Variants in RBM6 observed in about 807,000 individuals in gnomAD.
The protein encoded by RBM6 is RNA-binding protein 6.
In RBM6, 23 loss-of-function variants were observed where a neutral mutation model predicts 140.4. The ratio of observed to expected loss-of-function variants is 0.16; its 90% CI spans 0.12 to 0.23. RBM6 has a LOEUF of 0.23. Ranked by LOEUF, RBM6 falls within the 10% of genes least tolerant of loss-of-function variation. The pLI, the probability that RBM6 is intolerant of heterozygous loss-of-function variation, is 1.00. For missense variants in RBM6, 1,139 were observed against 1,386.7 expected (o/e 0.82, Z 2.84); for synonymous variants, 439 against 475.6 (o/e 0.92, Z 1.00).
At chr3:49,961,983 C>A (rs1413805537) in intron 1 of RBM6, among the ~76,000 whole-genome samples, 1 of 150,870 alleles carries the variant, frequency 6.6e-6, no homozygotes, top group Non-Finnish European at 1.5e-5. Context: ...CAGTGAAAAC[C>A]CGTCTCTACT....
At chr3:49,961,211 G>C (rs2084267150) in intron 1 of RBM6, among the ~76,000 whole-genome samples, 1 of 152,082 alleles carries the variant, frequency 6.6e-6, no homozygotes, top group African/African-American at 2.4e-5. Flanking sequence ...CTGCATAGCT[G>C]GGATTACAGG....
At chr3:50,062,280 G>A (rs531783251) in intron 15 of RBM6, among the ~76,000 whole-genome samples, 172 bp downstream of exon 15, 12 of 152,250 alleles carry the variant, frequency 7.9e-5, no homozygotes, top group South Asian at 4.1e-4. Flanking sequence ...CAAGGCGGGC[G>A]GATCATGAGG....
intron 1 of RBM6, among the ~76,000 whole-genome samples, chr3:49,955,579 A>G (rs1575536875): frequency 6.6e-6 from 1 of 152,010 alleles, no homozygotes; most frequent in African/African-American, 2.4e-5. Context: ...GCAGTGGCTC[A>G]CGCCTGTAAT....
chr3:49,989,511 G>C (rs2085719179), intron 5 of RBM6, among the ~76,000 whole-genome samples: 1 of 152,090 alleles, frequency 6.6e-6, no homozygotes, highest in African/African-American at 2.4e-5. Flanking sequence ...GAAGGTGGAG[G>C]TTGCAGCTGA....
intron 4 of RBM6, among the ~76,000 whole-genome samples, chr3:49,972,493 C>A (rs1293549867): frequency 6.6e-6 from 1 of 152,130 alleles, no homozygotes; most frequent in Admixed American, 6.6e-5. Context: ...CATAAGGATG[C>A]AGTTTATTTA....
chr3:50,011,400 T>G (rs1178495584), intron 6 of RBM6, among the ~76,000 whole-genome samples: 1 of 151,322 alleles, frequency 6.6e-6, no homozygotes, highest in African/African-American at 2.5e-5. Flanking sequence ...TATTCACAGT[T>G]AAAAATAAAG....
intron 6 of RBM6, among the ~76,000 whole-genome samples, chr3:50,024,572 TTG>T (rs1356950206): frequency 6.6e-6 from 1 of 152,098 alleles, no homozygotes; most frequent in Non-Finnish European, 1.5e-5. Context: ...GAAATTCATC[TTG>T]TGTGTAACTG....
At chr3:50,010,238 A>G (rs144188423) in intron 6 of RBM6, among the ~76,000 whole-genome samples, 1 of 152,272 alleles carries the variant, frequency 6.6e-6, no homozygotes, top group Non-Finnish European at 1.5e-5. Context: ...TTAATTTTGT[A>G]TATTAATGAT....
intron 6 of RBM6, among the ~76,000 whole-genome samples, chr3:50,005,913 G>A (rs976980880): frequency 6.6e-6 from 1 of 152,070 alleles, no homozygotes; most frequent in Non-Finnish European, 1.5e-5. Context: ...TCATAACCTA[G>A]CTAGAAAAAA....
At chr3:49,950,845 T>G (rs2083699586) in intron 1 of RBM6, among the ~76,000 whole-genome samples, 1 of 151,522 alleles carries the variant, frequency 6.6e-6, no homozygotes, top group African/African-American at 2.4e-5. Flanking sequence ...ATATCCAAAA[T>G]AATTGAAAAC....
At chr3:50,031,756 C>A (rs1010943603) in intron 6 of RBM6, among the ~76,000 whole-genome samples, 10 of 151,942 alleles carry the variant, frequency 6.6e-5, no homozygotes, top group Admixed American at 5.2e-4. Context: ...TTTGATACCA[C>A]AATAGGGTGA....
chr3:50,019,918 ATTT>A (rs745603311), intron 6 of RBM6, among the ~76,000 whole-genome samples: 5 of 136,204 alleles, frequency 3.7e-5, no homozygotes, highest in Admixed American at 7.4e-5. Flanking sequence ...ACATTAATTG[ATTT>A]TTTTTTTTTT....
chr3:50,032,769 C>G (rs896144607), intron 6 of RBM6, among the ~76,000 whole-genome samples: 8 of 152,002 alleles, frequency 5.3e-5, no homozygotes, highest in African/African-American at 2.4e-5. Context: ...GGTGGATCAC[C>G]TAAGGTCAGA....
chr3:50,058,299 C>T (rs775971560), intron 9 of RBM6, 103 bp from the exon 10 acceptor site: 50 of 1,282,872 alleles, frequency 3.9e-5, no homozygotes, highest in Non-Finnish European at 5.5e-5. Flanking sequence ...ACCAGCCTTG[C>T]TAGTAGCATC....
In RBM6 at chr3:50,018,805, G is replaced by A. The variant is rs12330297; in HGVS notation, c.1557+19292G>A. ...AGGGTTTCAACATGTTGGCCAGGAT[G>A]GTCTTGATCTTGTGACCTCGTGATT... On this transcript the variant is annotated intron_variant, in intron 6 of 20. Transcript: ENST00000266022. Among the ~76,000 whole-genome samples the A allele has an allele frequency of 3.5e-3, 524 of 151,844 alleles. 3 individuals are homozygous for A. Among genetic ancestry groups the A allele is most frequent in the African/African-American group, 0.012 (506 of 41,452 alleles).
At chr3:50,016,593 T>C (rs1442822251) in intron 6 of RBM6, among the ~76,000 whole-genome samples, 1 of 152,230 alleles carries the variant, frequency 6.6e-6, no homozygotes, top group Non-Finnish European at 1.5e-5. Context: ...CTTTTCTCCA[T>C]ATCCTCACTA....
At chr3:50,050,835 ATG>A (rs1356257026) in intron 7 of RBM6, among the ~76,000 whole-genome samples, 1 of 151,654 alleles carries the variant, frequency 6.6e-6, no homozygotes, top group East Asian at 1.9e-4. Context: ...GTTTTTTTTC[ATG>A]TGTTTGTTGG....
chr3:50,006,199 C>T (rs1414290278), intron 6 of RBM6, among the ~76,000 whole-genome samples: 1 of 148,560 alleles, frequency 6.7e-6, no homozygotes, highest in African/African-American at 2.5e-5. Context: ...GGCTGTAGCA[C>T]AGAGGTGCTC....
rs372323376 is a variant in RBM6, at chr3:49,996,762, G to A, written c.1484-2678G>A. 1.2e-4 allele frequency among the ~76,000 whole-genome samples: 18 copies of A among 152,230 alleles called. No homozygotes were observed. The East Asian group carries it at 2.3e-3, about 20-fold the overall frequency. On this transcript the variant is annotated intron_variant, in intron 5 of 20. Coordinates refer to ENST00000266022, the MANE Select transcript of RBM6 (RefSeq NM_005777.3). ...CAGGGGCATAGATGTATGTTTTCAG[G>A]CATATGGGACCCTTTCTGTAACTAG...
Sources: gnomAD v4.1 joint callset for allele counts (sites outside exome capture counted in the v4.1 genomes callset) on GRCh38, gnomAD v4.1.1 for gene constraint, MANE v1.5 for transcripts, NCBI Gene and HGNC (gene_info 2026-07-23, HGNC 2026-07-21) for gene names.